ARMC3: variants seen among roughly 807,000 people sequenced by gnomAD.
ARMC3 encodes armadillo repeat containing 3.
ARMC3 carries 74 observed loss-of-function variants against 90.3 expected under a neutral mutation model. The ratio of observed to expected loss-of-function variants is 0.82; its 90% confidence interval spans 0.68 to 0.99. The LOEUF is 0.99. ARMC3 is among the 50% of genes least tolerant of loss of function. The pLI is 0.00. For missense variants in ARMC3, 958 were observed against 1,042.8 expected (o/e 0.92, Z 1.12); for synonymous variants, 334 against 361.8 (o/e 0.92, Z 0.87).
At chr10:22,967,243 G>T (rs187379589) in intron 7 of ARMC3, among the ~76,000 whole-genome samples, 240 of 152,174 alleles carry the variant, frequency 1.6e-3, no homozygotes, top group Middle Eastern at 6.8e-3. Flanking sequence ...CTCAAAGTCT[G>T]TTTTAAACAT....
At chr10:22,940,835 A>G (rs1191609478) in intron 2 of ARMC3, among the ~76,000 whole-genome samples, 3 of 152,172 alleles carry the variant, frequency 2.0e-5, no homozygotes, top group African/African-American at 7.2e-5. Flanking sequence ...CAAGCCAGAA[A>G]TTTTACTTCT....
chr10:23,009,419 A>G (rs1372707911), intron 16 of ARMC3, among the ~76,000 whole-genome samples: 1 of 152,158 alleles, frequency 6.6e-6, no homozygotes, highest in Middle Eastern at 3.2e-3. Context: ...AGGAATGAGG[A>G]GGAGGAGAGG....
intron 7 of ARMC3, among the ~76,000 whole-genome samples, chr10:22,964,713 C>G (rs1359927342): frequency 3.3e-5 from 5 of 150,850 alleles, no homozygotes; most frequent in Non-Finnish European, 5.9e-5. Flanking sequence ...AGTGCTGGGA[C>G]TACAGGCATG....
At chr10:22,947,724 G>A (rs1788122774) in intron 3 of ARMC3, among the ~76,000 whole-genome samples, 1 of 151,782 alleles carries the variant, frequency 6.6e-6, no homozygotes, top group African/African-American at 2.4e-5. Flanking sequence ...AATATCAAAT[G>A]TTAATAATAG....
intron 8 of ARMC3, among the ~76,000 whole-genome samples, chr10:22,973,994 A>C (rs7910975): frequency 2.0e-5 from 3 of 151,756 alleles, no homozygotes; most frequent in African/African-American, 7.3e-5. Context: ...TCCTGACCTC[A>C]TGATCCACCC....
chr10:22,967,004 G>A (rs1835470330), intron 7 of ARMC3, among the ~76,000 whole-genome samples: 1 of 151,410 alleles, frequency 6.6e-6, no homozygotes, highest in Non-Finnish European at 1.5e-5. Context: ...GGGGGCGGGG[G>A]TGGGTAGTGG....
chr10:22,941,950 C>G (rs1834343209), intron 2 of ARMC3, among the ~76,000 whole-genome samples: 1 of 152,152 alleles, frequency 6.6e-6, no homozygotes, highest in African/African-American at 2.4e-5. Flanking sequence ...TCTAGTTTAA[C>G]ATTCTTTGAG....
intron 13 of ARMC3, among the ~76,000 whole-genome samples, chr10:23,004,473 G>C (rs1182775727): frequency 6.6e-6 from 1 of 152,102 alleles, no homozygotes; most frequent in Admixed American, 6.5e-5. Context: ...GAGGGCTAAA[G>C]ATGGCAGAGC....
intron 16 of ARMC3, among the ~76,000 whole-genome samples, chr10:23,021,828 T>C (rs940885011): frequency 3.3e-5 from 5 of 152,224 alleles, no homozygotes; most frequent in African/African-American, 1.2e-4. Flanking sequence ...TTTGTTTTTT[T>C]ACTGTTCAGT....
At chr10:22,929,711 A>AT (rs1833858775) in intron 1 of ARMC3, among the ~76,000 whole-genome samples, 2 of 152,064 alleles carry the variant, frequency 1.3e-5, no homozygotes, top group South Asian at 2.1e-4. Flanking sequence ...CCGCCACTCC[A>AT]GGCTAATTTT....
chr10:22,957,520 C>G (rs746398306), intron 4 of ARMC3, among the ~76,000 whole-genome samples: 120 of 152,070 alleles, frequency 7.9e-4, no homozygotes, highest in Non-Finnish European at 1.5e-3. Flanking sequence ...ACAGTCATGG[C>G]GGAGTGCATG....
At chr10:22,982,290 A>C (rs560640929) in intron 10 of ARMC3, among the ~76,000 whole-genome samples, 15 of 152,222 alleles carry the variant, frequency 9.9e-5, no homozygotes, top group Non-Finnish European at 1.6e-4. Context: ...AGGCAGCTGA[A>C]TCGCTTGAAC....
chr10:23,002,174 C>G (rs1837327834), intron 12 of ARMC3, 119 bp downstream of exon 12: 2 of 1,332,618 alleles, frequency 1.5e-6, no homozygotes, highest in Non-Finnish European at 2.0e-6. Context: ...TCCGCTGAAG[C>G]GCTGCATGTC....
intron 11 of ARMC3, among the ~76,000 whole-genome samples, chr10:22,999,830 C>T (rs187899610): frequency 2.9e-3 from 439 of 152,252 alleles, no homozygotes; most frequent in Non-Finnish European, 4.5e-3. Context: ...CTTGTTTGTT[C>T]CCATTGACTC....
At chr10:22,940,057 C>A (rs868511900) in intron 2 of ARMC3, among the ~76,000 whole-genome samples, 8 of 152,110 alleles carry the variant, frequency 5.3e-5, no homozygotes, top group Admixed American at 2.6e-4. Flanking sequence ...TATAAAGGTA[C>A]ACATAAAAGT....
At chr10:23,018,034 C>G (rs112133780) in intron 16 of ARMC3, among the ~76,000 whole-genome samples, 4,388 of 152,264 alleles carry the variant, frequency 0.029, 77 homozygotes, top group Middle Eastern at 0.099. Context: ...TTAGATAAGG[C>G]AACAATTCTT....
intron 10 of ARMC3, among the ~76,000 whole-genome samples, chr10:22,986,110 G>GCGC (rs1554779894): frequency 4.9e-5 from 5 of 101,598 alleles, no homozygotes; most frequent in African/African-American, 1.8e-4. Flanking sequence ...TGCACTGCAC[G>GCGC]CCCCCCCCCC....
At chr10:23,009,659 C>T (rs568780702) in intron 16 of ARMC3, among the ~76,000 whole-genome samples, 4 of 152,088 alleles carry the variant, frequency 2.6e-5, no homozygotes, top group East Asian at 1.9e-4. Context: ...CCACCATGCT[C>T]GGCTAATTTT....
intron 10 of ARMC3, among the ~76,000 whole-genome samples, chr10:22,983,220 A>C (rs566654623): frequency 9.8e-5 from 15 of 152,326 alleles, no homozygotes; most frequent in African/African-American, 3.4e-4. Flanking sequence ...ACAGGCCTCC[A>C]GAGTGTATAG....
Sources: allele counts gnomAD v4.1 joint callset (sites outside exome capture counted in the v4.1 genomes callset), GRCh38; gene constraint gnomAD v4.1.1; transcripts MANE v1.5; gene names NCBI Gene and HGNC (gene_info 2026-07-23, HGNC 2026-07-21).